The following THSD7B variants were observed in gnomAD, a reference collection of about 807,000 sequenced individuals.
THSD7B encodes thrombospondin type 1 domain containing 7B.
THSD7B carries 138 observed loss-of-function variants against 213.6 expected under a neutral mutation model. The ratio of observed to expected loss-of-function variants is 0.65; its 90% CI spans 0.56 to 0.74. The LOEUF is 0.74. Among genes scored for constraint, THSD7B ranks in the 30% least tolerant of loss-of-function variants. The pLI is 0.00. For missense variants in THSD7B, 1,931 were observed against 1,991.5 expected, an observed-to-expected ratio of 0.97 and a Z score of 0.58; for synonymous variants, 742 against 687.0, an observed-to-expected ratio of 1.08 and a Z score of -1.25.
intron 17 of THSD7B, among the ~76,000 whole-genome samples, chr2:137,580,814 G>A (rs1183763146): frequency 6.6e-6 from 1 of 152,136 alleles, no homozygotes; most frequent in Non-Finnish European, 1.5e-5. Context: ...GAGAGAAGGG[G>A]AATATTGGGG....
intron 12 of THSD7B, among the ~76,000 whole-genome samples, chr2:137,395,679 C>A (rs376601884): frequency 7.2e-5 from 11 of 152,256 alleles, no homozygotes; most frequent in African/African-American, 1.4e-4. Flanking sequence ...TGGCCTCATA[C>A]AATGAGTTAG....
intron 10 of THSD7B, among the ~76,000 whole-genome samples, chr2:137,256,565 G>A (rs563851850): frequency 6.6e-6 from 1 of 152,272 alleles, no homozygotes; most frequent in South Asian, 2.1e-4. Context: ...CCATATGGGG[G>A]AATGATAAGA....
At chr2:136,766,025 C>T (rs539355947) in intron 1 of THSD7B, among the ~76,000 whole-genome samples, 3 of 152,334 alleles carry the variant, frequency 2.0e-5, no homozygotes, top group Admixed American at 1.3e-4. Flanking sequence ...AGCAGGAGCT[C>T]TGTTCCCTTC....
At chr2:137,529,943 G>A (rs1680365568) in intron 15 of THSD7B, among the ~76,000 whole-genome samples, 1 of 151,984 alleles carries the variant, frequency 6.6e-6, no homozygotes, top group Non-Finnish European at 1.5e-5. Flanking sequence ...TAGCATGTGG[G>A]AAAAATTAAG....
At chr2:137,611,998 T>C (rs951994027) in intron 17 of THSD7B, among the ~76,000 whole-genome samples, 1 of 152,186 alleles carries the variant, frequency 6.6e-6, no homozygotes, top group African/African-American at 2.4e-5. Flanking sequence ...TAAATCTTAA[T>C]AGAAAAATTT....
intron 15 of THSD7B, among the ~76,000 whole-genome samples, chr2:137,471,918 CA>C (rs1688101583): frequency 6.6e-6 from 1 of 152,048 alleles, no homozygotes. Flanking sequence ...ACGGTTGCTT[CA>C]AGATGAAAAT....
chr2:136,998,282 GAA>G (rs2104822424), intron 2 of THSD7B, among the ~76,000 whole-genome samples: 1 of 112,720 alleles, frequency 8.9e-6, no homozygotes, highest in East Asian at 2.9e-4. Flanking sequence ...AAAAAAAAAA[GAA>G]AGAAAAAAAG....
intron 12 of THSD7B, among the ~76,000 whole-genome samples, chr2:137,335,571 C>G (rs958781854): frequency 5.3e-5 from 8 of 152,108 alleles, no homozygotes; most frequent in Non-Finnish European, 1.2e-4. Flanking sequence ...AAATCAGCAA[C>G]AGTTGGTGAT....
intron 1 of THSD7B, among the ~76,000 whole-genome samples, chr2:136,795,366 TC>T (rs1400914349): frequency 1.3e-5 from 2 of 151,918 alleles, no homozygotes; most frequent in African/African-American, 4.8e-5. Flanking sequence ...ATGCTGACTC[TC>T]TTGCATTCCT....
chr2:137,581,522 A>C (rs574461542), intron 17 of THSD7B, among the ~76,000 whole-genome samples: 1 of 152,176 alleles, frequency 6.6e-6, no homozygotes, highest in African/African-American at 2.4e-5. Context: ...AAGCAGGAGA[A>C]ATTGCTTGAA....
At chr2:137,464,284 A>G (rs1687944675) in intron 15 of THSD7B, among the ~76,000 whole-genome samples, 2 of 152,076 alleles carry the variant, frequency 1.3e-5, no homozygotes. Flanking sequence ...GAAAACTGCT[A>G]ACAGTGTTAT....
intron 15 of THSD7B, among the ~76,000 whole-genome samples, chr2:137,520,452 G>T (rs1230663905): frequency 6.6e-6 from 1 of 152,226 alleles, no homozygotes; most frequent in Non-Finnish European, 1.5e-5. Context: ...TAACAGAAGA[G>T]AAAATTAGGC....
chr2:137,405,596 T>C lies in THSD7B; in HGVS notation c.2501-17T>C. 6 of 1,576,980 alleles carry C rather than the reference T, an allele frequency of 3.8e-6. No homozygotes were observed. Among genetic ancestry groups the C allele is most frequent in the Non-Finnish European group, 4.3e-6 (5 of 1,160,792 alleles). On this transcript the variant is annotated splice_polypyrimidine_tract_variant and intron_variant, in intron 12 of 27. Transcript: ENST00000409968. ...TTTAATCAAAATAATAACAAAAGAA[T>C]TCATGCTTTTTTTCAGCTGTCTCAT...
intron 26 of THSD7B, among the ~76,000 whole-genome samples, chr2:137,666,373 G>C (rs1211768959): frequency 1.3e-5 from 2 of 152,020 alleles, no homozygotes; most frequent in Non-Finnish European, 2.9e-5. Flanking sequence ...AAAGTTTTAT[G>C]ACCATAGAAA....
intron 2 of THSD7B, among the ~76,000 whole-genome samples, chr2:136,902,698 C>A (rs1303080330): frequency 7.2e-5 from 11 of 152,150 alleles, no homozygotes; most frequent in Non-Finnish European, 5.9e-5. Flanking sequence ...GTCAATGATT[C>A]AGAAGAGGGT....
intron 12 of THSD7B, among the ~76,000 whole-genome samples, chr2:137,343,580 G>A (rs144235871): frequency 2.0e-3 from 304 of 151,790 alleles, no homozygotes; most frequent in African/African-American, 6.7e-3. Flanking sequence ...GTGCATGACC[G>A]TTCTGTGCCA....
chr2:137,366,005 T>C (rs1355305172), intron 12 of THSD7B, among the ~76,000 whole-genome samples: 1 of 152,128 alleles, frequency 6.6e-6, no homozygotes, highest in African/African-American at 2.4e-5. Flanking sequence ...TGTCCATCAG[T>C]GGTAGACTGG....
intron 1 of THSD7B, among the ~76,000 whole-genome samples, chr2:136,839,811 T>C (rs1682897166): frequency 6.6e-6 from 1 of 152,248 alleles, no homozygotes; most frequent in Non-Finnish European, 1.5e-5. Context: ...TAATTCATGA[T>C]TTTTTAAATC....
intron 4 of THSD7B, among the ~76,000 whole-genome samples, chr2:137,096,888 G>A (rs1373752540): frequency 1.3e-5 from 2 of 152,174 alleles, no homozygotes; most frequent in Non-Finnish European, 2.9e-5. Context: ...CCAGGCCCAG[G>A]GCTTAGCACA....
Sources: gnomAD v4.1 joint callset for allele counts (sites outside exome capture counted in the v4.1 genomes callset) on GRCh38, gnomAD v4.1.1 for gene constraint, MANE v1.5 for transcripts, NCBI Gene and HGNC (gene_info 2026-07-23, HGNC 2026-07-21) for gene names.